The following B3GALT1 variants were observed in gnomAD, a reference collection of about 807,000 sequenced individuals.
B3GALT1 encodes the protein UDP-Gal:betaGlcNAc beta 1,3-galactosyltransferase, polypeptide 1.
A neutral mutation model predicts 23.2 loss-of-function variants in B3GALT1; 10 were observed. The observed-to-expected ratio is 0.43, with a 90% CI of 0.27 to 0.73. The LOEUF (loss-of-function observed/expected upper bound fraction) is 0.73, where lower values mean the gene tolerates loss of function less well. Among genes scored for constraint, B3GALT1 ranks in the 30% least tolerant of loss-of-function variants. B3GALT1 has a pLI of 0.21. For synonymous variants in B3GALT1, 156 were observed against 141.5 expected, an observed-to-expected ratio of 1.10 and a Z score of -0.73; for missense variants, 299 against 405.4, an observed-to-expected ratio of 0.74 and a Z score of 2.25.
chr2:167,387,063 A>G (rs1042549839), intron 1 of B3GALT1, among the ~76,000 whole-genome samples: 9 of 152,034 alleles, frequency 5.9e-5, no homozygotes, highest in African/African-American at 2.2e-4. Context: ...CTTGGAAACC[A>G]GTGTTAGAAC....
intron 1 of B3GALT1, among the ~76,000 whole-genome samples, chr2:167,296,493 GCTCT>G (rs1027892986): frequency 2.0e-5 from 3 of 151,482 alleles, no homozygotes; most frequent in Non-Finnish European, 4.4e-5. Flanking sequence ...TCTTTCTTTC[GCTCT>G]CTCTCACCAC....
chr2:167,493,460 G>GA (rs1316584683), intron 2 of B3GALT1, among the ~76,000 whole-genome samples: 1 of 151,970 alleles, frequency 6.6e-6, no homozygotes, highest in Non-Finnish European at 1.5e-5. Context: ...TATAATTTAA[G>GA]AAAAAAATAG....
intron 1 of B3GALT1, among the ~76,000 whole-genome samples, chr2:167,317,153 A>G (rs1696732870): frequency 6.6e-6 from 1 of 152,160 alleles, no homozygotes; most frequent in African/African-American, 2.4e-5. Context: ...TTAGATGGCT[A>G]CATAAATAAT....
intron 3 of B3GALT1, among the ~76,000 whole-genome samples, chr2:167,708,848 AT>A (rs1357648170): frequency 6.6e-6 from 1 of 152,158 alleles, no homozygotes; most frequent in Non-Finnish European, 1.5e-5. Context: ...AGAGAGAGAG[AT>A]TTATTTCTAG....
At chr2:167,839,866 A>G (rs1368257458) in intron 4 of B3GALT1, among the ~76,000 whole-genome samples, 2 of 152,328 alleles carry the variant, frequency 1.3e-5, no homozygotes, top group East Asian at 3.9e-4. Context: ...GCCCTCAGAA[A>G]TAACGCCGCA....
At chr2:167,843,421 C>CAGAT (rs1332521539) in intron 4 of B3GALT1, among the ~76,000 whole-genome samples, 1 of 152,162 alleles carries the variant, frequency 6.6e-6, no homozygotes, top group Non-Finnish European at 1.5e-5. Flanking sequence ...GGTGAATCCC[C>CAGAT]AGATAGGAAT....
At chr2:167,797,529 T>C (rs556802149) in intron 3 of B3GALT1, among the ~76,000 whole-genome samples, 1 of 152,312 alleles carries the variant, frequency 6.6e-6, no homozygotes, top group South Asian at 2.1e-4. Context: ...GTATTTCTGC[T>C]TCTAGATCTT....
chr2:167,454,433 G>A (rs868476077), intron 1 of B3GALT1, among the ~76,000 whole-genome samples: 4 of 152,266 alleles, frequency 2.6e-5, no homozygotes, highest in South Asian at 4.1e-4. Flanking sequence ...TAAAGCCAAC[G>A]TCAGCATTGT....
chr2:167,786,871 C>T (rs1688351910), intron 3 of B3GALT1, among the ~76,000 whole-genome samples: 1 of 151,820 alleles, frequency 6.6e-6, no homozygotes, highest in African/African-American at 2.4e-5. Flanking sequence ...CATTCCCAGA[C>T]ACGGAGATTC....
At chr2:167,783,719 A>G (rs1309928206) in intron 3 of B3GALT1, among the ~76,000 whole-genome samples, 1 of 152,180 alleles carries the variant, frequency 6.6e-6, no homozygotes, top group African/African-American at 2.4e-5. Flanking sequence ...GCAGGGGGAA[A>G]TAGAGGTCAA....
intron 2 of B3GALT1, among the ~76,000 whole-genome samples, chr2:167,614,555 T>C (rs1685124260): frequency 6.6e-6 from 1 of 151,924 alleles, no homozygotes; most frequent in Admixed American, 6.6e-5. Flanking sequence ...CCAAGATCAA[T>C]ATTCAAGAGC....
At chr2:167,551,788 G>T (rs904778687) in intron 2 of B3GALT1, among the ~76,000 whole-genome samples, 3 of 152,102 alleles carry the variant, frequency 2.0e-5, no homozygotes, top group African/African-American at 7.2e-5. Context: ...CTGCTCAAGA[G>T]TAGGGGTGAC....
Position 167,449,100 on chromosome 2 carries a change from G to A in B3GALT1, c.-510-41077G>A, listed in dbSNP as rs948295783. On this transcript the variant is annotated intron_variant, in intron 1 of 4. Transcript: ENST00000392690. ...TGAGGGCTATTTTTTTGTTCCATATGAATTTTAGGATTTTTTTTCTAGTTC... is the reference window on the plus strand; with the variant it reads ...TGAGGGCTATTTTTTTGTTCCATATAAATTTTAGGATTTTTTTTCTAGTTC... 6.6e-5 allele frequency among the ~76,000 whole-genome samples: 10 copies of A among 152,152 alleles called. No individual in the cohort carries two copies. In the South Asian group the frequency reaches 1.7e-3, roughly 25 times the overall value.
intron 2 of B3GALT1, among the ~76,000 whole-genome samples, chr2:167,520,049 A>T (rs1387669792): frequency 6.6e-6 from 1 of 152,000 alleles, no homozygotes; most frequent in Non-Finnish European, 1.5e-5. Flanking sequence ...TATCTCAAAA[A>T]AAAAAGAAAA....
intron 3 of B3GALT1, among the ~76,000 whole-genome samples, chr2:167,746,409 G>C (rs1197715144): frequency 6.6e-6 from 1 of 152,158 alleles, no homozygotes; most frequent in Non-Finnish European, 1.5e-5. Flanking sequence ...CATCTTCCAA[G>C]CCCTCTCAAG....
intron 1 of B3GALT1, among the ~76,000 whole-genome samples, chr2:167,428,789 G>T (rs1007095739): frequency 5.9e-5 from 9 of 152,062 alleles, no homozygotes; most frequent in Non-Finnish European, 5.9e-5. Flanking sequence ...CTGCTCCTTA[G>T]AGTATTTCAC....
chr2:167,846,050 CAAAGAAA>C (rs1293983497), intron 4 of B3GALT1, among the ~76,000 whole-genome samples: 5 of 151,714 alleles, frequency 3.3e-5, no homozygotes, highest in Admixed American at 6.6e-5. Flanking sequence ...CCAACAAAGT[CAAAGAAA>C]AAAGAAAAAG....
intron 2 of B3GALT1, among the ~76,000 whole-genome samples, chr2:167,555,296 A>T (rs1342304880): frequency 1.3e-5 from 2 of 152,106 alleles, no homozygotes; most frequent in African/African-American, 4.8e-5. Flanking sequence ...CATAAATCTC[A>T]CCATAGTCTC....
chr2:167,525,294 CT>C (rs1413241272), intron 2 of B3GALT1, among the ~76,000 whole-genome samples: 1 of 151,838 alleles, frequency 6.6e-6, no homozygotes, highest in Non-Finnish European at 1.5e-5. Flanking sequence ...GTACGTTTTC[CT>C]TTTTATTTTC....
Sources: gnomAD v4.1 joint callset for allele counts (sites outside exome capture counted in the v4.1 genomes callset) on GRCh38, gnomAD v4.1.1 for gene constraint, MANE v1.5 for transcripts, NCBI Gene and HGNC (gene_info 2026-07-23, HGNC 2026-07-21) for gene names.